Variants in NR5A2 observed in about 807,000 individuals in gnomAD.
The protein encoded by NR5A2 is nuclear receptor subfamily 5 group A member 2.
A neutral mutation model predicts 62.7 loss-of-function variants in NR5A2; 26 were observed. That is an observed-to-expected ratio of 0.41 (90% CI 0.30 to 0.58). The LOEUF (loss-of-function observed/expected upper bound fraction) is 0.58. NR5A2 is among the 20% of genes least tolerant of loss of function. The pLI is 0.22. For missense variants in NR5A2, 541 were observed against 669.1 expected (o/e 0.81, Z 2.11); for synonymous variants, 246 against 241.7 (o/e 1.02, Z -0.16).
At chr1:200,029,755 G>C (rs1314059486) in intron 1 of NR5A2, 1 of 152,258 alleles carries the variant, frequency 6.6e-6, no homozygotes, top group Non-Finnish European at 1.5e-5. Flanking sequence ...TCAGGATCTT[G>C]TTCGCAGCCA....
At chr1:200,171,486 C>T (rs558249594) in intron 7 of NR5A2, among the ~76,000 whole-genome samples, 8 of 152,282 alleles carry the variant, frequency 5.3e-5, no homozygotes, top group Admixed American at 3.3e-4. Flanking sequence ...CAGTAGCTCA[C>T]GCCTGTAATC....
At chr1:200,148,545 C>CTGGA (rs1667831580) in intron 7 of NR5A2, among the ~76,000 whole-genome samples, 2 of 152,224 alleles carry the variant, frequency 1.3e-5, no homozygotes, top group Non-Finnish European at 1.5e-5. Flanking sequence ...TGCAGTAAGT[C>CTGGA]TGGAGGCTTT....
intron 7 of NR5A2, among the ~76,000 whole-genome samples, chr1:200,139,670 T>C (rs1338127154): frequency 6.6e-6 from 1 of 151,822 alleles, no homozygotes; most frequent in Non-Finnish European, 1.5e-5. Flanking sequence ...CCATACATTT[T>C]CATTGTTCTT....
chr1:200,096,656 C>T (rs553214902), intron 5 of NR5A2, among the ~76,000 whole-genome samples: 99 of 152,288 alleles, frequency 6.5e-4, no homozygotes, highest in African/African-American at 2.2e-3. Context: ...GTAGAAGCAG[C>T]GTGTCATTGA....
At chr1:200,044,339 T>A (rs1304223557) in intron 3 of NR5A2, 1 of 152,242 alleles carries the variant, frequency 6.6e-6, no homozygotes, top group Non-Finnish European at 1.5e-5. Context: ...AATTCCCAAC[T>A]GTGTGATTTC....
intron 7 of NR5A2, among the ~76,000 whole-genome samples, chr1:200,121,214 T>A (rs1260096280): frequency 6.6e-6 from 1 of 152,206 alleles, no homozygotes; most frequent in Non-Finnish European, 1.5e-5. Flanking sequence ...TTCCATAATA[T>A]ACAGATAAGC....
At chr1:200,052,969 T>G (rs1363668282) in intron 5 of NR5A2, among the ~76,000 whole-genome samples, 1 of 152,190 alleles carries the variant, frequency 6.6e-6, no homozygotes, top group Non-Finnish European at 1.5e-5. Context: ...CAGGACAAAT[T>G]ACACTCTCTA....
intron 7 of NR5A2, among the ~76,000 whole-genome samples, chr1:200,160,521 GGCTAA>G (rs1332415544): frequency 1.3e-5 from 2 of 152,118 alleles, no homozygotes; most frequent in African/African-American, 4.8e-5. Context: ...TATTTTAATT[GGCTAA>G]GCTAATATTT....
intron 7 of NR5A2, among the ~76,000 whole-genome samples, chr1:200,148,914 T>TG (rs1667855739): frequency 6.6e-6 from 1 of 150,842 alleles, no homozygotes; most frequent in East Asian, 1.9e-4. Context: ...TACTTTTTTT[T>TG]TTTTTTTTTT....
In NR5A2 at chr1:200,030,736, AT is replaced by A. The variant is rs200330890; in HGVS notation, c.64+2827del. Among the ~76,000 whole-genome samples, 85 of 152,362 alleles carry A rather than the reference AT, an allele frequency of 5.6e-4. No individual in the cohort carries two copies. In the East Asian group the frequency reaches 0.016, roughly 29 times the overall value. On this transcript the variant is annotated intron_variant, in intron 1 of 7. Transcript: ENST00000367362. ...CTTTGATTCATATTAAATTTCCATAATTCTTCAAATTAACTGCATTTGCAGA... is the reference window on the plus strand; with the variant it reads ...CTTTGATTCATATTAAATTTCCATAATCTTCAAATTAACTGCATTTGCAGA...
chr1:200,125,274 C>T (rs1373486319), intron 7 of NR5A2, among the ~76,000 whole-genome samples: 2 of 152,228 alleles, frequency 1.3e-5, no homozygotes, highest in Non-Finnish European at 2.9e-5. Context: ...GTAGTTAAGA[C>T]AATGTTGTAC....
At chr1:200,106,064 C>CTG (rs72295630) in intron 5 of NR5A2, among the ~76,000 whole-genome samples, 1 of 147,568 alleles carries the variant, frequency 6.8e-6, no homozygotes. Context: ...ATTCACTCTT[C>CTG]TTTTTTTTTT....
intron 5 of NR5A2, among the ~76,000 whole-genome samples, chr1:200,081,816 T>A (rs1365137817): frequency 6.6e-6 from 1 of 151,946 alleles, no homozygotes; most frequent in Non-Finnish European, 1.5e-5. Context: ...AGCACTCTGT[T>A]TGTTATTCTA....
intron 1 of NR5A2, among the ~76,000 whole-genome samples, chr1:200,036,757 A>G (rs1571693791): frequency 6.6e-6 from 1 of 152,034 alleles, no homozygotes; most frequent in Non-Finnish European, 1.5e-5. Context: ...TAGGCTTCTG[A>G]GCTAGGAGTT....
At position 200,048,615 on chromosome 1, in the gene NR5A2, C is replaced by A; in HGVS notation, c.907C>A (p.His303Asn). Reference sequence around the variant, plus strand: ...GACGAGCTCTCCAGCAAGCATCCCACATCTGATACTGGAACTTTTGAAGTG... The same window carrying A: ...GACGAGCTCTCCAGCAAGCATCCCAAATCTGATACTGGAACTTTTGAAGTG... ...YQTSSPASIP[H>N]LILELLKCEP... The change falls in exon 5 of 8, where the codon CAT becomes AAT. Residue 303 changes from histidine (H) to asparagine (N), a missense_variant. By Grantham distance (68) the His-to-Asn change is moderately conservative (BLOSUM62 1). This residue lies in a region of NR5A2 where 379 missense variants were observed against 442.0 expected (regional missense o/e 0.86). Transcript: ENST00000367362. This position sits in a 1 kb window ranked among gnomAD's most constrained non-coding sequence, Gnocchi z 4.8. The A allele has an allele frequency of 6.2e-7, 1 of 1,614,202 alleles. No individual in the cohort carries two copies. Among genetic ancestry groups the A allele is most frequent in the Non-Finnish European group, 8.5e-7 (1 of 1,180,028 alleles).
At chr1:200,062,227 T>TTATGTGTGTGTGTG (rs1553267511) in intron 5 of NR5A2, among the ~76,000 whole-genome samples, 14 of 145,756 alleles carry the variant, frequency 9.6e-5, no homozygotes, top group African/African-American at 3.6e-4. Context: ...CTGGCAGATT[T>TTATGTGTGTGTGTG]TGTGTGTGTG....
chr1:200,114,857 T>A (rs898585894), intron 6 of NR5A2, among the ~76,000 whole-genome samples: 1 of 152,166 alleles, frequency 6.6e-6, no homozygotes, highest in Admixed American at 6.5e-5. Flanking sequence ...GTGCTAGAGT[T>A]TGTGTTCTTT....
intron 5 of NR5A2, chr1:200,057,623 C>A (rs1246521774): frequency 1.1e-5 from 4 of 365,622 alleles, no homozygotes; most frequent in Non-Finnish European, 2.2e-5. Context: ...GGATTACAGG[C>A]GTGCACCACA....
intron 7 of NR5A2, among the ~76,000 whole-genome samples, chr1:200,142,432 G>A (rs1011576289): frequency 2.6e-5 from 4 of 151,844 alleles, no homozygotes; most frequent in South Asian, 2.1e-4. Flanking sequence ...TCCTGACCTC[G>A]TGATCTACCC....
Sources: allele counts gnomAD v4.1 joint callset (sites outside exome capture counted in the v4.1 genomes callset), GRCh38; gene constraint gnomAD v4.1.1; regional missense constraint gnomAD v4.1.1; non-coding constraint Gnocchi (gnomAD v3.1); transcripts MANE v1.5; gene names NCBI Gene and HGNC (gene_info 2026-07-23, HGNC 2026-07-21).